PTPRR: variants seen among roughly 807,000 people sequenced by gnomAD.
The protein encoded by PTPRR is receptor-type tyrosine-protein phosphatase R.
A neutral mutation model predicts 77.2 loss-of-function variants in PTPRR; 38 were observed. The observed-to-expected ratio is 0.49, with a 90% confidence interval of 0.38 to 0.65. The LOEUF (loss-of-function observed/expected upper bound fraction) is 0.65. Among genes scored for constraint, PTPRR ranks in the 30% least tolerant of loss-of-function variants. The probability of loss-of-function intolerance (pLI) is 0.00; values close to 1 mark genes in which losing one functional copy is unlikely to be tolerated. For synonymous variants in PTPRR, 299 were observed against 283.1 expected (o/e 1.06, Z -0.57); for missense variants, 744 against 799.2 (o/e 0.93, Z 0.83).
intron 13 of PTPRR, among the ~76,000 whole-genome samples, chr12:70,644,752 TG>T (rs1022942017): frequency 1.3e-5 from 2 of 152,166 alleles, no homozygotes; most frequent in African/African-American, 4.8e-5. Context: ...CCAAAGACCC[TG>T]GAGAACCAAG....
chr12:70,664,318 G>C (rs1335415186), intron 10 of PTPRR: 1 of 152,110 alleles, frequency 6.6e-6, no homozygotes, highest in African/African-American at 2.4e-5. Flanking sequence ...CTTTGTTAAA[G>C]GTAATCATAC....
intron 6 of PTPRR, among the ~76,000 whole-genome samples, chr12:70,733,482 G>GAAAAAAAAAAAAAAA (rs1310822205): frequency 1.1e-5 from 1 of 92,312 alleles, no homozygotes; most frequent in Non-Finnish European, 2.0e-5. Context: ...AAAAAAAAAA[G>GAAAAAAAAAAAAAAA]AAAAAAAAAG....
At chr12:70,683,979 TTA>T in intron 10 of PTPRR, 146 bp downstream of exon 10, 7 of 773,522 alleles carry the variant, frequency 9.0e-6, no homozygotes, top group Non-Finnish European at 1.4e-5. Flanking sequence ...ATAGCACTTA[TTA>T]TATTTGGGAT....
chr12:70,842,210 C>T (rs1308560354), intron 2 of PTPRR, among the ~76,000 whole-genome samples: 1 of 152,160 alleles, frequency 6.6e-6, no homozygotes, highest in Non-Finnish European at 1.5e-5. Context: ...GTAAGCAACA[C>T]AACAGATTAT....
At chr12:70,777,368 T>C (rs1891113104) in intron 2 of PTPRR, among the ~76,000 whole-genome samples, 1 of 152,102 alleles carries the variant, frequency 6.6e-6, no homozygotes, top group African/African-American at 2.4e-5. Context: ...CTACATTTTT[T>C]CTTCCCATGT....
chr12:70,782,339 G>C (rs1227773318), intron 2 of PTPRR, among the ~76,000 whole-genome samples: 2 of 152,014 alleles, frequency 1.3e-5, no homozygotes, highest in Non-Finnish European at 2.9e-5. Flanking sequence ...CCATTACTGG[G>C]TATATACCCA....
intron 2 of PTPRR, among the ~76,000 whole-genome samples, chr12:70,873,103 C>G (rs905757513): frequency 2.6e-4 from 40 of 152,160 alleles, no homozygotes; most frequent in Non-Finnish European, 4.9e-4. Flanking sequence ...CTCAAACAAG[C>G]CATCTCATAT....
intron 8 of PTPRR, among the ~76,000 whole-genome samples, chr12:70,694,508 T>C (rs984698585): frequency 3.3e-5 from 5 of 152,140 alleles, no homozygotes; most frequent in Non-Finnish European, 7.4e-5. Flanking sequence ...TGCAGCAACA[T>C]GGATGCAGCT....
chr12:70,784,960 A>G (rs1891291675), intron 2 of PTPRR, among the ~76,000 whole-genome samples: 1 of 152,222 alleles, frequency 6.6e-6, no homozygotes, highest in Admixed American at 6.5e-5. Context: ...GGCCCCAGGA[A>G]AAAGCAATGG....
chr12:70,761,594 A>G lies in PTPRR; in HGVS notation c.504T>C (p.Ser168=). Residue 168 remains serine (S), a synonymous_variant, in exon 4 of 14, where the codon TCT becomes TCC. Transcript: ENST00000283228. ...GKKNSIELFV[S]PINRKTGISD... Reference sequence around the variant, plus strand: ...AAATTCCTGTTTTTCGGTTTATGGGAGACACAAACAGTTCAATACTGTTCT... The same window carrying G: ...AAATTCCTGTTTTTCGGTTTATGGGGGACACAAACAGTTCAATACTGTTCT... 1 of 1,610,612 alleles carries G rather than the reference A, an allele frequency of 6.2e-7. No individual in the cohort carries two copies. Among genetic ancestry groups the G allele is most frequent in the Non-Finnish European group, 8.5e-7 (1 of 1,178,100 alleles).
rs112609248 is a variant in PTPRR, at chr12:70,819,679, G to A, written c.358-54901C>T. On this transcript the variant is annotated intron_variant, in intron 2 of 13. Coordinates refer to ENST00000283228, the MANE Select transcript of PTPRR (RefSeq NM_002849.4). Reference sequence around the variant, plus strand: ...AGTTTGGGAAGATCAAGGGTAATTTGGACATAGAATGGAAGAATTGGGTGG... The same window carrying A: ...AGTTTGGGAAGATCAAGGGTAATTTAGACATAGAATGGAAGAATTGGGTGG... Among the ~76,000 whole-genome samples, 1,321 of 152,242 alleles carry A rather than the reference G, an allele frequency of 8.7e-3. 13 individuals carry two copies. Among genetic ancestry groups the A allele is most frequent in the Non-Finnish European group, 0.013 (907 of 68,024 alleles).
chr12:70,880,508 G>GT (rs903228891), intron 2 of PTPRR, among the ~76,000 whole-genome samples: 3 of 151,636 alleles, frequency 2.0e-5, no homozygotes, highest in Non-Finnish European at 4.4e-5. Context: ...GTTTTGTTTT[G>GT]TTTTTTTCAT....
At chr12:70,902,917 T>C (rs1429704763) in intron 1 of PTPRR, among the ~76,000 whole-genome samples, 1 of 151,760 alleles carries the variant, frequency 6.6e-6, no homozygotes, top group Admixed American at 6.6e-5. Flanking sequence ...GTACATATAA[T>C]GTAATACTAT....
At chr12:70,814,140 A>G (rs1440143672) in intron 2 of PTPRR, among the ~76,000 whole-genome samples, 1 of 152,212 alleles carries the variant, frequency 6.6e-6, no homozygotes, top group Non-Finnish European at 1.5e-5. Flanking sequence ...AAGAGGCAAA[A>G]GCAAATTTAT....
intron 6 of PTPRR, among the ~76,000 whole-genome samples, chr12:70,716,519 C>G (rs990123397): frequency 6.6e-6 from 1 of 152,100 alleles, no homozygotes; most frequent in Non-Finnish European, 1.5e-5. Flanking sequence ...TCATTTTACA[C>G]ATTTCTTGGG....
Position 70,721,179 on chromosome 12 carries a change from T to C in PTPRR, c.1008-19856A>G, listed in dbSNP as rs117967352. Among the ~76,000 whole-genome samples the C allele has an allele frequency of 9.7e-4, 148 of 152,330 alleles. 1 individual carries two copies. In the East Asian group the frequency reaches 0.021, roughly 22 times the overall value. ...TTACACATGGTACTGCCAAATATCC[T>C]AAAGTTCTCCAGTTAGAAATAGGTT... On this transcript the variant is annotated intron_variant, in intron 6 of 13. Coordinates refer to ENST00000283228, the MANE Select transcript of PTPRR (RefSeq NM_002849.4).
At chr12:70,880,613 CTTGT>C (rs1468526006) in intron 2 of PTPRR, among the ~76,000 whole-genome samples, 2 of 152,122 alleles carry the variant, frequency 1.3e-5, no homozygotes, top group Non-Finnish European at 2.9e-5. Flanking sequence ...CTGCAATGAT[CTTGT>C]TTATCTTGTT....
At chr12:70,867,934 G>C (rs1001531542) in intron 2 of PTPRR, among the ~76,000 whole-genome samples, 9 of 152,108 alleles carry the variant, frequency 5.9e-5, no homozygotes, top group Non-Finnish European at 1.0e-4. Flanking sequence ...CAAGCAATGG[G>C]GAAAGGATTC....
At chr12:70,757,735 T>G (rs979456646) in intron 4 of PTPRR, among the ~76,000 whole-genome samples, 5 of 152,216 alleles carry the variant, frequency 3.3e-5, no homozygotes, top group African/African-American at 9.6e-5. Context: ...CTATAATTCA[T>G]GCAAAGGATG....
Sources: gnomAD v4.1 joint callset for allele counts (sites outside exome capture counted in the v4.1 genomes callset) on GRCh38, gnomAD v4.1.1 for gene constraint, MANE v1.5 for transcripts, NCBI Gene and HGNC (gene_info 2026-07-23, HGNC 2026-07-21) for gene names.